The following HEATR5B variants were observed in gnomAD, a reference collection of about 807,000 sequenced individuals.
HEATR5B encodes the protein HEAT repeat-containing protein 5B.
A neutral mutation model predicts 224.1 loss-of-function variants in HEATR5B; 156 were observed. The ratio of observed to expected loss-of-function variants is 0.70; its 90% CI spans 0.61 to 0.80. The LOEUF is 0.80. HEATR5B is among the 30% of genes least tolerant of loss of function. The pLI, the probability that HEATR5B is intolerant of heterozygous loss-of-function variation, is 0.00. For missense variants in HEATR5B, 2,323 were observed against 2,535.5 expected (o/e 0.92, Z 1.80); for synonymous variants, 1,027 against 893.0 (o/e 1.15, Z -2.68).
chr2:37,081,702 T>C (rs1052465060), intron 2 of HEATR5B, among the ~76,000 whole-genome samples: 2 of 152,130 alleles, frequency 1.3e-5, no homozygotes, highest in African/African-American at 2.4e-5. Context: ...GAGTGAAATA[T>C]TGTATGTCCA....
At chr2:37,051,551 A>C (rs1311316504) in intron 17 of HEATR5B, among the ~76,000 whole-genome samples, 1 of 152,082 alleles carries the variant, frequency 6.6e-6, no homozygotes, top group Non-Finnish European at 1.5e-5. Flanking sequence ...AGGCATTAGC[A>C]TATCTATGAA....
intron 20 of HEATR5B, 48 bp downstream of exon 20, chr2:37,040,281 G>T: frequency 7.0e-7 from 1 of 1,420,288 alleles, no homozygotes; most frequent in Non-Finnish European, 9.8e-7. Flanking sequence ...GAAATTTAAA[G>T]ATACTGATTA....
chr2:37,035,737 G>A (rs572403690), intron 21 of HEATR5B, among the ~76,000 whole-genome samples: 2 of 152,020 alleles, frequency 1.3e-5, no homozygotes, highest in African/African-American at 4.8e-5. Context: ...CTCTCTCCTT[G>A]GTGATCTCAT....
intron 8 of HEATR5B, 31 bp from the exon 9 acceptor site, chr2:37,065,941 G>A: frequency 3.2e-6 from 5 of 1,578,656 alleles, no homozygotes; most frequent in African/African-American, 1.4e-5. Context: ...CTTTGACATA[G>A]GAGAAATGAA....
intron 21 of HEATR5B, 85 bp downstream of exon 21, chr2:37,037,770 A>G: frequency 1.1e-6 from 1 of 906,224 alleles, no homozygotes; most frequent in Non-Finnish European, 1.5e-6. Context: ...AAATATATAT[A>G]GCTAGTATGT....
At chr2:37,051,665 C>T (rs1670559179) in intron 17 of HEATR5B, among the ~76,000 whole-genome samples, 2 of 152,166 alleles carry the variant, frequency 1.3e-5, no homozygotes, top group South Asian at 4.1e-4. Context: ...ACTCACAGGT[C>T]CAAATTAGTT....
chr2:37,055,609 T>C (rs992427662), intron 16 of HEATR5B, among the ~76,000 whole-genome samples: 11 of 152,214 alleles, frequency 7.2e-5, no homozygotes, highest in African/African-American at 2.7e-4. Flanking sequence ...TCAAGCAACC[T>C]ACATATTAAA....
Position 37,041,140 on chromosome 2 carries a change from T to G in HEATR5B, c.2849A>C (p.Glu950Ala). The G allele has an allele frequency of 6.2e-7, 1 of 1,613,608 alleles. No individual in the cohort carries two copies. Among genetic ancestry groups the G allele is most frequent in the Non-Finnish European group, 8.5e-7 (1 of 1,179,746 alleles). Residue 950 changes from glutamate (E) to alanine (A), a missense_variant, in exon 19 of 36, where the codon GAA becomes GCA. By Grantham distance (107) the Glu-to-Ala change is moderately radical. This residue lies in a region of HEATR5B where 44 missense variants were observed against 39.0 expected (regional missense o/e 1.13). Coordinates refer to ENST00000233099, the MANE Select transcript of HEATR5B (RefSeq NM_019024.3). Reference sequence around the variant, plus strand: ...AAACCAATTATATTATACCTGGACTTCAGGGGATGTCCCATCTTGTGCTAG... The same window carrying G: ...AAACCAATTATATTATACCTGGACTGCAGGGGATGTCCCATCTTGTGCTAG... ...LALAQDGTSP[E>A]VQTWSLHSLA... is the part of the protein sequence containing the mutation.
Position 36,981,436 on chromosome 2 carries a change from A to C in HEATR5B, c.*54T>G. On this transcript the variant is annotated 3_prime_UTR_variant, in exon 36 of 36. Coordinates refer to ENST00000233099, the MANE Select transcript of HEATR5B (RefSeq NM_019024.3). The stretch of plus-strand genomic sequence containing the variant: ...GGTAGCCTGGAATGATACAGTGGCC[A>C]TCACTAATTAGGGGCTAGTTGACAA... The C allele has an allele frequency of 1.5e-6, 2 of 1,371,050 alleles. No individual in the cohort carries two copies. Among genetic ancestry groups the C allele is most frequent in the Admixed American group, 4.2e-5 (2 of 47,802 alleles). The allele number at this position is 1,371,050 out of a possible 1,614,324, so 84.9% of individuals were successfully genotyped here.
chr2:37,029,936 A>AAAAT (rs150155666), intron 22 of HEATR5B, among the ~76,000 whole-genome samples: 7,279 of 142,458 alleles, frequency 0.051, 318 homozygotes, highest in African/African-American at 0.11. Flanking sequence ...TCTATCTCAA[A>AAAAT]AAATAAATAA....
rs745516066 is a variant in HEATR5B, at chr2:37,003,635, T to G, written c.4957A>C (p.Asn1653His). The change falls in exon 31 of 36, where the codon AAT becomes CAT. Residue 1653 changes from asparagine (N) to histidine (H), a missense_variant. Transcript: ENST00000233099. The part of the protein sequence containing the change: ...SVLHRLLLTW[N>H]PSSVQLLVTG... ...ACCAACAGCTGGACAGATGATGGATTCCAGGTCAATAGAAGGCGGTGCAAA... is the reference window on the plus strand; with the variant it reads ...ACCAACAGCTGGACAGATGATGGATGCCAGGTCAATAGAAGGCGGTGCAAA... 9.3e-6 allele frequency: 15 copies of G among 1,612,406 alleles called. No individual in the cohort carries two copies. The Admixed American group carries it at 1.7e-4, about 18-fold the overall frequency.
intron 24 of HEATR5B, 95 bp downstream of exon 24, chr2:37,027,828 G>A: frequency 7.9e-7 from 1 of 1,272,564 alleles, no homozygotes; most frequent in South Asian, 1.4e-5. Flanking sequence ...ATATTCTAAA[G>A]CACGCTATAT....
Position 37,005,683 on chromosome 2 carries a change from T to C in HEATR5B, c.4854A>G (p.Leu1618=). ...CATAAGGGGAGTCTAGCAAGGTATG[T>C]AAGGCCTGCAGGCATGCTGTAACAT... The part of the protein sequence containing the change: ...IEHVTACLQA[L]HTLLDSPYAR... Residue 1618 remains leucine, a synonymous_variant, in exon 30 of 36, where the codon TTA becomes TTG. Transcript: ENST00000233099. The C allele has an allele frequency of 6.2e-7, 1 of 1,613,248 alleles. No homozygotes were observed.
chr2:37,015,938 C>T (rs1428428689), intron 26 of HEATR5B, among the ~76,000 whole-genome samples: 1 of 151,112 alleles, frequency 6.6e-6, no homozygotes, highest in East Asian at 1.9e-4. Context: ...AACATAGTTA[C>T]AATTAAGGGA....
At chr2:37,072,302 G>A in intron 5 of HEATR5B, 21 bp from the exon 6 acceptor site, 1 of 1,550,206 alleles carries the variant, frequency 6.5e-7, no homozygotes, top group Non-Finnish European at 8.9e-7. Context: ...AAACAAAAAA[G>A]TAAATAACAT....
intron 27 of HEATR5B, among the ~76,000 whole-genome samples, 196 bp from the exon 28 acceptor site, chr2:37,009,044 G>A (rs974364851): frequency 6.6e-6 from 1 of 151,958 alleles, no homozygotes; most frequent in Admixed American, 6.6e-5. Context: ...TAGATCATGA[G>A]GTCAAGAGAT....
chr2:37,027,479 C>T (rs1225832535), intron 24 of HEATR5B, among the ~76,000 whole-genome samples: 1 of 152,100 alleles, frequency 6.6e-6, no homozygotes, highest in Non-Finnish European at 1.5e-5. Context: ...TACCTAATAG[C>T]ACTTCTGAAA....
At chr2:37,040,581 T>C (rs946293972) in intron 19 of HEATR5B, 63 bp from the exon 20 acceptor site, 3 of 1,251,696 alleles carry the variant, frequency 2.4e-6, no homozygotes, top group Non-Finnish European at 3.4e-6. Context: ...GAATTGAGTA[T>C]ACTGAATTGT....
At chr2:37,040,570 T>C (rs534091137) in intron 19 of HEATR5B, 52 bp from the exon 20 acceptor site, 1 of 1,373,574 alleles carries the variant, frequency 7.3e-7, no homozygotes, top group East Asian at 2.4e-5. Flanking sequence ...TCGAATGTAC[T>C]GAATTGAGTA....
Sources: allele counts gnomAD v4.1 joint callset (sites outside exome capture counted in the v4.1 genomes callset), GRCh38; gene constraint gnomAD v4.1.1; regional missense constraint gnomAD v4.1.1; transcripts MANE v1.5; gene names NCBI Gene and HGNC (gene_info 2026-07-23, HGNC 2026-07-21).